PPP2R5C: variants seen among roughly 807,000 people sequenced by gnomAD.
The protein encoded by PPP2R5C is serine/threonine-protein phosphatase 2A 56 kDa regulatory subunit gamma isoform.
Under a neutral mutation model 68.9 loss-of-function variants are expected in PPP2R5C, and 7 were observed. That is an observed-to-expected ratio of 0.10 (90% CI 0.06 to 0.19). PPP2R5C has a LOEUF of 0.19. Ranked by LOEUF, PPP2R5C falls within the 10% of genes least tolerant of loss-of-function variation. PPP2R5C has a pLI of 1.00. For missense variants in PPP2R5C, 348 were observed against 641.3 expected, an observed-to-expected ratio of 0.54 and a Z score of 4.94; for synonymous variants, 210 against 222.2, an observed-to-expected ratio of 0.95 and a Z score of 0.49.
At chr14:101,903,296 C>A (rs2076639899) in intron 9 of PPP2R5C, among the ~76,000 whole-genome samples, 1 of 152,196 alleles carries the variant, frequency 6.6e-6, no homozygotes, top group African/African-American at 2.4e-5. Flanking sequence ...AGTGGACTCA[C>A]AATGTGCTGT....
upstream of PPP2R5C, among the ~76,000 whole-genome samples, chr14:101,809,577 T>G (rs2039228618): frequency 2.0e-5 from 3 of 148,466 alleles, no homozygotes; most frequent in South Asian, 6.4e-4. Flanking sequence ...TTTTTTTTTT[T>G]TGGTGGCTCC....
intron 2 of PPP2R5C, among the ~76,000 whole-genome samples, chr14:101,863,874 C>T (rs779733195): frequency 1.8e-4 from 28 of 152,028 alleles, no homozygotes; most frequent in Non-Finnish European, 3.7e-4. Context: ...CTCCAGCCTG[C>T]GCACCACAGA....
At chr14:101,866,673 AAAAT>A (rs928524318) in intron 2 of PPP2R5C, among the ~76,000 whole-genome samples, 6 of 152,192 alleles carry the variant, frequency 3.9e-5, no homozygotes, top group African/African-American at 7.2e-5. Flanking sequence ...CCGTCTCAAA[AAAAT>A]AAATAAATAA....
chr14:101,783,763 C>G (rs1173866546), intron 2 of PPP2R5C, among the ~76,000 whole-genome samples: 2 of 152,112 alleles, frequency 1.3e-5, no homozygotes, highest in Non-Finnish European at 2.9e-5. Context: ...ACCCAAGGTC[C>G]TCGCTGTGAG....
At chr14:101,883,647 T>C in intron 5 of PPP2R5C, 85 bp downstream of exon 7, 1 of 1,500,864 alleles carries the variant, frequency 6.7e-7, no homozygotes. Flanking sequence ...TCGTCTCCTC[T>C]GACAGGACTC....
chr14:101,770,675 G>A (rs1303419440), intron 2 of PPP2R5C, among the ~76,000 whole-genome samples: 1 of 152,196 alleles, frequency 6.6e-6, no homozygotes, highest in East Asian at 1.9e-4. Flanking sequence ...TACGGTATAT[G>A]CAATTCTAGA....
chr14:101,900,601 C>A (rs1372430227), intron 8 of PPP2R5C, among the ~76,000 whole-genome samples: 1 of 152,158 alleles, frequency 6.6e-6, no homozygotes, highest in African/African-American at 2.4e-5. Context: ...TCTTTTAGAA[C>A]TAAGATGGCT....
chr14:101,761,702 C>T (rs1326312592), upstream of PPP2R5C: 16 of 388,820 alleles, frequency 4.1e-5, no homozygotes, highest in African/African-American at 7.0e-5. Flanking sequence ...CCGCCGCCGC[C>T]GCCGCCGCCG....
At chr14:101,824,204 A>G in intron 1 of PPP2R5C, 1 of 1,225,168 alleles carries the variant, frequency 8.2e-7, no homozygotes, top group Non-Finnish European at 1.1e-6. Context: ...AAGATTCTTA[A>G]TGAGTAATTC....
In PPP2R5C at chr14:101,816,889, A is replaced by T. The variant is rs1489671413; in HGVS notation, c.94+6853A>T. ...ATTTATTTATATATATATTATATATATATTATATAAATATATATATAATAT... is the reference window on the plus strand; with the variant it reads ...ATTTATTTATATATATATTATATATTTATTATATAAATATATATATAATAT... On this transcript the variant is annotated intron_variant, in intron 1 of 13. Coordinates refer to ENST00000334743, the Ensembl canonical transcript of PPP2R5C. Among the ~76,000 whole-genome samples the T allele has an allele frequency of 3.1e-5, 4 of 129,972 alleles. No homozygotes were observed. The Admixed American group carries it at 3.2e-4, about 11-fold the overall frequency. The allele number at this position is 129,972 out of a possible 152,430, so 85.3% of individuals were successfully genotyped here.
intron 11 of PPP2R5C, among the ~76,000 whole-genome samples, chr14:101,910,957 A>T (rs919488914): frequency 1.3e-5 from 2 of 151,530 alleles, no homozygotes; most frequent in African/African-American, 4.9e-5. Context: ...ACAAAAAATT[A>T]GCCGGGCGTG....
rs761275553 is a variant in PPP2R5C, at chr14:101,917,855, A to G, written c.1351A>G (p.Thr451Ala). The G allele has an allele frequency of 6.2e-7, 1 of 1,613,758 alleles. No individual in the cohort carries two copies. Among genetic ancestry groups the G allele is most frequent in the South Asian group, 1.1e-5 (1 of 91,074 alleles). ...GTACACAGTGTATAGTCAAGCCAGC[A>G]CCATGAGCATTCCGGTTGCAATGGA... is the stretch of plus-strand genomic sequence containing the variant. The change falls in exon 13 of 14, where the codon ACC (threonine) becomes GCC (alanine). Residue 451 changes from threonine (T) to alanine (A), a missense_variant. By Grantham distance (58) the Thr-to-Ala change is moderately conservative. Transcript: ENST00000334743. This position sits in a 1 kb window ranked among gnomAD's most constrained non-coding sequence, Gnocchi z 4.4.
At chr14:101,785,904 A>T in intron 2 of PPP2R5C, 114 bp from the exon 3 acceptor site, 2 of 935,202 alleles carry the variant, frequency 2.1e-6, no homozygotes, top group Admixed American at 3.7e-5. Flanking sequence ...TCTTCCATGG[A>T]GTGAAGGGGA....
At chr14:101,803,592 C>T (rs1387049265) in intron 3 of PPP2R5C, among the ~76,000 whole-genome samples, 4 of 151,952 alleles carry the variant, frequency 2.6e-5, no homozygotes, top group Admixed American at 6.6e-5. Flanking sequence ...GGCGTGGTGG[C>T]GGGCACCTGT....
intron 2 of PPP2R5C, among the ~76,000 whole-genome samples, chr14:101,764,029 G>GT (rs113858606): frequency 0.071 from 10,681 of 150,516 alleles, 587 homozygotes; most frequent in African/African-American, 0.15. Context: ...GTGTGTGTGT[G>GT]GGCGCGCGCA....
At chr14:101,783,105 CCT>C (rs1296801768) in intron 2 of PPP2R5C, among the ~76,000 whole-genome samples, 1 of 1,150 alleles carries the variant, frequency 8.7e-4, no homozygotes, top group Admixed American at 6.0e-3. Context: ...TCCCCCTCCC[CCT>C]CTCTCTCTCC....
intron 1 of PPP2R5C, among the ~76,000 whole-genome samples, chr14:101,850,746 A>T (rs934906650): frequency 6.6e-6 from 1 of 152,216 alleles, no homozygotes; most frequent in Non-Finnish European, 1.5e-5. Context: ...GACACAGGAG[A>T]CACTAGAAGT....
At chr14:101,764,725 C>T (rs2036759876) in intron 2 of PPP2R5C, among the ~76,000 whole-genome samples, 2 of 151,954 alleles carry the variant, frequency 1.3e-5, no homozygotes, top group Admixed American at 1.3e-4. Flanking sequence ...TTTCTTTCTT[C>T]CCTGTCACCC....
chr14:101,925,800 G>A (rs2047266913), exon 14 of PPP2R5C: 1 of 152,952 alleles, frequency 6.5e-6, no homozygotes, highest in Non-Finnish European at 1.5e-5. Flanking sequence ...CTCACGCAAC[G>A]TACTGGGCAA....
Sources: allele counts gnomAD v4.1 joint callset (sites outside exome capture counted in the v4.1 genomes callset), GRCh38; gene constraint gnomAD v4.1.1; non-coding constraint Gnocchi (gnomAD v3.1); transcripts MANE v1.5; gene names NCBI Gene and HGNC (gene_info 2026-07-23, HGNC 2026-07-21).